The following REEP3 variants were observed in gnomAD, a reference collection of about 807,000 sequenced individuals.
The protein encoded by REEP3 is receptor expression-enhancing protein 3.
A neutral mutation model predicts 41.3 loss-of-function variants in REEP3; 20 were observed. That is an observed-to-expected ratio of 0.48 (90% confidence interval 0.34 to 0.70). REEP3 has a LOEUF of 0.70. REEP3 is among the 30% of genes least tolerant of loss of function. REEP3 has a pLI of 0.01. For missense variants in REEP3, 271 were observed against 308.8 expected, an observed-to-expected ratio of 0.88 and a Z score of 0.92; for synonymous variants, 104 against 101.8, an observed-to-expected ratio of 1.02 and a Z score of -0.13.
chr10:63,551,160 G>A (rs1955625213), intron 1 of REEP3, among the ~76,000 whole-genome samples: 1 of 152,134 alleles, frequency 6.6e-6, no homozygotes, highest in Non-Finnish European at 1.5e-5. Context: ...TACATGATGA[G>A]CCTGCAGCAT....
chr10:63,584,593 T>C (rs1955987207), intron 2 of REEP3, among the ~76,000 whole-genome samples: 1 of 152,212 alleles, frequency 6.6e-6, no homozygotes. Flanking sequence ...GCTTTTCTAT[T>C]TGATTTCTCA....
At chr10:63,542,293 C>G (rs1955536004) in intron 1 of REEP3, among the ~76,000 whole-genome samples, 1 of 152,014 alleles carries the variant, frequency 6.6e-6, no homozygotes. Flanking sequence ...GCCAGTTGGT[C>G]TCGAACTCCT....
At chr10:63,541,679 G>A (rs951015179) in intron 1 of REEP3, among the ~76,000 whole-genome samples, 2 of 151,718 alleles carry the variant, frequency 1.3e-5, no homozygotes, top group Admixed American at 1.3e-4. Context: ...TTATATTAAC[G>A]AAAGAACTGA....
chr10:63,606,146 G>A, intron 5 of REEP3: 3 of 930,360 alleles, frequency 3.2e-6, no homozygotes, highest in Non-Finnish European at 3.8e-6. Context: ...CAATTCTGCA[G>A]AGAATAGGAT....
intron 2 of REEP3, among the ~76,000 whole-genome samples, chr10:63,585,418 A>G (rs571579893): frequency 6.6e-6 from 1 of 152,216 alleles, no homozygotes. Context: ...TTTTATTTAT[A>G]CAAGGCAGTG....
intron 1 of REEP3, among the ~76,000 whole-genome samples, chr10:63,558,907 T>G (rs1221717601): frequency 6.6e-6 from 1 of 152,158 alleles, no homozygotes; most frequent in Non-Finnish European, 1.5e-5. Flanking sequence ...TAGTTTATTT[T>G]GTTTGTTTAA....
intron 1 of REEP3, among the ~76,000 whole-genome samples, chr10:63,543,761 AC>A (rs1367847772): frequency 1.3e-5 from 2 of 152,202 alleles, no homozygotes; most frequent in African/African-American, 4.8e-5. Flanking sequence ...TTAAAGCAAT[AC>A]CCAACACAGA....
chr10:63,572,805 G>A (rs1300373727), intron 2 of REEP3, among the ~76,000 whole-genome samples: 1 of 152,196 alleles, frequency 6.6e-6, no homozygotes, highest in Non-Finnish European at 1.5e-5. Flanking sequence ...ACCTAGAACA[G>A]TACCTGCTGC....
intron 1 of REEP3, among the ~76,000 whole-genome samples, chr10:63,537,269 G>A (rs745865029): frequency 6.6e-6 from 1 of 151,994 alleles, no homozygotes; most frequent in Non-Finnish European, 1.5e-5. Flanking sequence ...ATTACCTATG[G>A]TATGATAGCA....
intron 3 of REEP3, among the ~76,000 whole-genome samples, chr10:63,595,719 G>A (rs1210112638): frequency 6.6e-6 from 1 of 152,090 alleles, no homozygotes; most frequent in Non-Finnish European, 1.5e-5. Context: ...TGGGATTACA[G>A]GCACATGCCA....
chr10:63,598,708 C>T (rs888761738), intron 4 of REEP3, among the ~76,000 whole-genome samples: 11 of 148,156 alleles, frequency 7.4e-5, no homozygotes, highest in Middle Eastern at 3.5e-3. Context: ...GGCGCGAACC[C>T]GGGAGGTGGA....
At chr10:63,541,521 T>G (rs1300278647) in intron 1 of REEP3, among the ~76,000 whole-genome samples, 1 of 152,200 alleles carries the variant, frequency 6.6e-6, no homozygotes, top group Non-Finnish European at 1.5e-5. Flanking sequence ...GTGGTAGCAT[T>G]TAAACCCAAA....
At chr10:63,538,547 A>G (rs1955496698) in intron 1 of REEP3, among the ~76,000 whole-genome samples, 1 of 152,158 alleles carries the variant, frequency 6.6e-6, no homozygotes, top group African/African-American at 2.4e-5. Context: ...CAGCCTGGCC[A>G]ACATGGCAAA....
At chr10:63,575,538 A>G (rs2133383850) in intron 2 of REEP3, among the ~76,000 whole-genome samples, 1 of 151,890 alleles carries the variant, frequency 6.6e-6, no homozygotes, top group South Asian at 2.1e-4. Context: ...TGTATTTGTA[A>G]GGCACTTGGA....
chr10:63,584,956 G>A (rs1340291310), intron 2 of REEP3, among the ~76,000 whole-genome samples: 2 of 152,214 alleles, frequency 1.3e-5, no homozygotes, highest in East Asian at 3.9e-4. Context: ...GGTTTTAAGT[G>A]AATCATTAGG....
chr10:63,538,414 T>G (rs1466267899), intron 1 of REEP3, among the ~76,000 whole-genome samples: 1 of 152,196 alleles, frequency 6.6e-6, no homozygotes, highest in Non-Finnish European at 1.5e-5. Context: ...TGATTCTTGA[T>G]GCACACAGAG....
chr10:63,569,653 T>A (rs904821037), intron 2 of REEP3, among the ~76,000 whole-genome samples: 6 of 152,054 alleles, frequency 3.9e-5, no homozygotes, highest in Non-Finnish European at 7.4e-5. Context: ...TAATAAAAAA[T>A]AGGCTTGGCC....
chr10:63,587,412 G>A (rs1956018123), intron 2 of REEP3, among the ~76,000 whole-genome samples: 1 of 152,200 alleles, frequency 6.6e-6, no homozygotes, highest in South Asian at 2.1e-4. Context: ...ACTATGACCA[G>A]TGCCTAACTA....
chr10:63,564,245 CAG>C (rs1955774796), intron 1 of REEP3, among the ~76,000 whole-genome samples: 1 of 152,084 alleles, frequency 6.6e-6, no homozygotes, highest in Non-Finnish European at 1.5e-5. Flanking sequence ...TTGAAAACAA[CAG>C]AAAACAAATA....
Sources: gnomAD v4.1 joint callset for allele counts (sites outside exome capture counted in the v4.1 genomes callset) on GRCh38, gnomAD v4.1.1 for gene constraint, MANE v1.5 for transcripts, NCBI Gene and HGNC (gene_info 2026-07-23, HGNC 2026-07-21) for gene names.